UNC13A: variants seen among roughly 807,000 people sequenced by gnomAD.
The protein encoded by UNC13A is unc-13 homolog A.
A neutral mutation model predicts 219.7 loss-of-function variants in UNC13A; 61 were observed. That is an observed-to-expected ratio of 0.28 (90% CI 0.23 to 0.34). The LOEUF (loss-of-function observed/expected upper bound fraction) is 0.34, where lower values mean the gene tolerates loss of function less well. Among genes scored for constraint, UNC13A ranks in the 10% least tolerant of loss-of-function variants. The pLI is 1.00. For synonymous variants in UNC13A, 920 were observed against 884.6 expected, an observed-to-expected ratio of 1.04 and a Z score of -0.71; for missense variants, 1,476 against 2,270.3, an observed-to-expected ratio of 0.65 and a Z score of 7.11.
intron 26 of UNC13A, among the ~76,000 whole-genome samples, chr19:17,633,753 CCACTCATT>C (rs1192880304): frequency 5.3e-5 from 8 of 151,974 alleles, no homozygotes; most frequent in African/African-American, 1.2e-4. Context: ...ATCCCTCCAT[CCACTCATT>C]CACTCATTCA....
intron 16 of UNC13A, among the ~76,000 whole-genome samples, 154 bp from the exon 17 acceptor site, chr19:17,647,646 A>C (rs2079261886): frequency 1.4e-5 from 2 of 146,478 alleles, no homozygotes; most frequent in African/African-American, 2.5e-5. Flanking sequence ...CCCCACCCAG[A>C]CCCTTCACCC....
chr19:17,621,901 C>T (rs2076733312), intron 36 of UNC13A, 31 bp from the exon 37 acceptor site: 1 of 1,613,598 alleles, frequency 6.2e-7, no homozygotes, highest in African/African-American at 1.3e-5. Flanking sequence ...GGTGATCAAC[C>T]TGGCAAGTCG....
In UNC13A at chr19:17,672,381, A is replaced by G. The variant is rs772924086; in HGVS notation, c.267T>C (p.Asn89=). 3.1e-6 allele frequency: 5 copies of G among 1,613,428 alleles called. No individual in the cohort carries two copies. Among genetic ancestry groups the G allele is most frequent in the Non-Finnish European group, 4.2e-6 (5 of 1,179,764 alleles). ...CCTCAGGCCACCCGCCACTCACCTC[A>G]TTGGACTGGCGGATGGTCCTCAGTG... The part of the protein sequence containing the change: ...WIPLRTIRQS[N]EEGPGEWLTL... Residue 89 remains asparagine, a synonymous_variant, in exon 4 of 44, where the codon AAT becomes AAC. Coordinates refer to ENST00000519716, the MANE Select transcript of UNC13A (RefSeq NM_001080421.3).
chr19:17,640,549 C>G lies in UNC13A; in HGVS notation c.2749G>C (p.Val917Leu). ...GCGGCGAAGCGGTCGGAGGCAGACA[C>G]GTTGGTGGAGGCGGTGGTGTGTGCG... ...YYAHTTASTN[V>L]SASDRFAASN... The change falls in exon 22 of 44, where the codon GTG becomes CTG. Residue 917 changes from valine to leucine, a missense_variant. Val to Leu is a conservative substitution (Grantham distance 32). This residue lies in a region of UNC13A where 140 missense variants were observed against 270.9 expected (regional missense o/e 0.52). Coordinates refer to ENST00000519716, the MANE Select transcript of UNC13A (RefSeq NM_001080421.3). 6.4e-7 allele frequency: 1 copy of G among 1,555,380 alleles called. No individual in the cohort carries two copies. Among genetic ancestry groups the G allele is most frequent in the Non-Finnish European group, 8.7e-7 (1 of 1,150,172 alleles).
chr19:17,610,334 C>T (rs2076588849), intron 42 of UNC13A, among the ~76,000 whole-genome samples: 2 of 152,052 alleles, frequency 1.3e-5, no homozygotes, highest in Admixed American at 1.3e-4. Context: ...GGCGTGGTGG[C>T]ACGCGCCTGT....
intron 41 of UNC13A, among the ~76,000 whole-genome samples, chr19:17,615,159 C>A (rs2076649563): frequency 6.6e-6 from 1 of 152,214 alleles, no homozygotes; most frequent in Non-Finnish European, 1.5e-5. Flanking sequence ...TGATGTACCC[C>A]TCGTGGGGCA....
chr19:17,687,088 C>A (rs1346683498), intron 1 of UNC13A, among the ~76,000 whole-genome samples: 13 of 152,182 alleles, frequency 8.5e-5, no homozygotes, highest in Admixed American at 2.0e-4. Flanking sequence ...TCCACCCCTG[C>A]CGCCCAAGGT....
At chr19:17,666,788 T>C in intron 6 of UNC13A, 84 bp from the exon 7 acceptor site, 3 of 1,066,228 alleles carry the variant, frequency 2.8e-6, no homozygotes, top group Non-Finnish European at 3.8e-6. Context: ...TTCTGTCCCA[T>C]CCCGACTTCC....
intron 40 of UNC13A, 131 bp from the exon 41 acceptor site, chr19:17,617,980 T>A: frequency 7.8e-7 from 1 of 1,280,256 alleles, no homozygotes; most frequent in Non-Finnish European, 1.1e-6. Flanking sequence ...TTGCTTTGCC[T>A]AGTGAACTCC....
intron 42 of UNC13A, among the ~76,000 whole-genome samples, chr19:17,610,357 T>C (rs1008613483): frequency 6.6e-6 from 1 of 152,038 alleles, no homozygotes; most frequent in Non-Finnish European, 1.5e-5. Flanking sequence ...TCCCACATAC[T>C]TGTGGGGCTA....
In UNC13A at chr19:17,663,586, G is replaced by A. The variant is rs776117678; in HGVS notation, c.524-19C>T. The A allele has an allele frequency of 6.2e-7, 1 of 1,604,898 alleles. No homozygotes were observed. Among genetic ancestry groups the A allele is most frequent in the East Asian group, 2.2e-5 (1 of 44,618 alleles). On this transcript the variant is annotated intron_variant, in intron 7 of 43. Coordinates refer to ENST00000519716, the MANE Select transcript of UNC13A (RefSeq NM_001080421.3). ...CAGTTGCCTACAAAGAGAAGGGGCA[G>A]AAATAATAAAAGGGAGCAGACAGAG...
chr19:17,651,759 C>G (rs925782029), intron 12 of UNC13A, among the ~76,000 whole-genome samples: 15 of 152,306 alleles, frequency 9.8e-5, no homozygotes, highest in African/African-American at 2.9e-4. Context: ...GCATCCAAGG[C>G]TCTCTAGCTA....
chr19:17,686,895 C>G (rs2080123760), intron 1 of UNC13A, among the ~76,000 whole-genome samples: 1 of 152,024 alleles, frequency 6.6e-6, no homozygotes, highest in African/African-American at 2.4e-5. Flanking sequence ...GTCCAGGCAG[C>G]AGGAGTTCAG....
intron 40 of UNC13A, 59 bp from the exon 41 acceptor site, chr19:17,617,908 G>C: frequency 6.3e-7 from 1 of 1,597,272 alleles, no homozygotes; most frequent in South Asian, 1.1e-5. Context: ...CACTCATAGG[G>C]CTGGGTAGCC....
At chr19:17,680,831 G>C (rs553086535) in intron 1 of UNC13A, among the ~76,000 whole-genome samples, 1 of 145,114 alleles carries the variant, frequency 6.9e-6, no homozygotes, top group East Asian at 2.0e-4. Flanking sequence ...GAATACCCTG[G>C]ATTCTTTTCT....
chr19:17,678,771 G>A (rs766631553), intron 1 of UNC13A, among the ~76,000 whole-genome samples: 8 of 152,034 alleles, frequency 5.3e-5, no homozygotes, highest in Admixed American at 2.0e-4. Flanking sequence ...GAAGGGGGTG[G>A]GCAGGGGAAG....
intron 35 of UNC13A, among the ~76,000 whole-genome samples, chr19:17,624,469 C>A (rs1210144750): frequency 6.6e-6 from 1 of 152,128 alleles, no homozygotes; most frequent in Non-Finnish European, 1.5e-5. Context: ...CCAAAATTGA[C>A]CTGTTTTCTA....
At chr19:17,629,190 T>C in intron 31 of UNC13A, 50 bp downstream of exon 31, 1 of 1,504,702 alleles carries the variant, frequency 6.6e-7, no homozygotes. Context: ...GTCCTGGGGA[T>C]GCTGAATGGG....
intron 35 of UNC13A, among the ~76,000 whole-genome samples, 200 bp downstream of exon 35, chr19:17,624,629 T>C (rs56213144): frequency 0.12 from 17,808 of 152,078 alleles, 1,186 homozygotes; most frequent in Middle Eastern, 0.2. Flanking sequence ...CTTTAACCCC[T>C]GTGTGAACTC....
Sources: allele counts gnomAD v4.1 joint callset (sites outside exome capture counted in the v4.1 genomes callset), GRCh38; gene constraint gnomAD v4.1.1; regional missense constraint gnomAD v4.1.1; transcripts MANE v1.5; gene names NCBI Gene and HGNC (gene_info 2026-07-23, HGNC 2026-07-21).